SORCS1: variants seen among roughly 807,000 people sequenced by gnomAD.
The protein encoded by SORCS1 is VPS10 domain-containing receptor SorCS1.
SORCS1 carries 60 observed loss-of-function variants against 146.1 expected under a neutral mutation model. That is an observed-to-expected ratio of 0.41 (90% CI 0.33 to 0.51). SORCS1 has a LOEUF of 0.51. SORCS1 is among the 20% of genes least tolerant of loss of function. The pLI is 0.21. For synonymous variants in SORCS1, 637 were observed against 584.0 expected (o/e 1.09, Z -1.31); for missense variants, 1,352 against 1,487.6 (o/e 0.91, Z 1.50).
At chr10:106,585,646 A>C (rs1482882946) in intron 24 of SORCS1, among the ~76,000 whole-genome samples, 1 of 152,202 alleles carries the variant, frequency 6.6e-6, no homozygotes, top group Non-Finnish European at 1.5e-5. Context: ...TCTCACCTAA[A>C]AGGCAAGAGG....
intron 5 of SORCS1, 150 bp from the exon 6 acceptor site, chr10:106,730,264 G>A (rs1856499880): frequency 1.2e-5 from 8 of 646,856 alleles, no homozygotes; most frequent in Admixed American, 5.9e-5. Context: ...TATTTATACA[G>A]CCTGACAGTA....
chr10:106,988,759 C>T (rs1374336569), intron 1 of SORCS1, among the ~76,000 whole-genome samples: 1 of 152,048 alleles, frequency 6.6e-6, no homozygotes, highest in Non-Finnish European at 1.5e-5. Context: ...CAAAATGTGA[C>T]TTTTTAACAC....
rs74845821 is a variant in SORCS1 at position 106,665,374 on chromosome 10, T to A, written c.2303+2315A>T. ...TCCTTTCTCCTTCTTCCTTCCCTTTTTTTTTCTCTCTCTCTTTTTTTTTTT... is the reference window on the plus strand; with the variant it reads ...TCCTTTCTCCTTCTTCCTTCCCTTTATTTTTCTCTCTCTCTTTTTTTTTTT... On this transcript the variant is annotated intron_variant, in intron 17 of 25. Coordinates refer to ENST00000263054, the MANE Select transcript of SORCS1 (RefSeq NM_052918.5). Among the ~76,000 whole-genome samples, 81 of 150,866 alleles carry A rather than the reference T, an allele frequency of 5.4e-4. 5 individuals are homozygous for A. The East Asian group carries it at 0.016, about 30-fold the overall frequency.
In SORCS1 at chr10:106,853,802, G is replaced by T. The variant is rs78946893; in HGVS notation, c.627-24129C>A. 3.9e-3 allele frequency among the ~76,000 whole-genome samples: 585 copies of T among 151,796 alleles called. 9 individuals carry two copies. The highest frequency in any genetic ancestry group is 0.014 in the African/African-American group (568 of 41,412). ...TATTGATTTCCAGTTTAATTTCATT[G>T]TGGTTGAAAAACAGACATTGTATAA... On this transcript the variant is annotated intron_variant, in intron 2 of 25. Transcript: ENST00000263054.
intron 5 of SORCS1, among the ~76,000 whole-genome samples, chr10:106,752,874 T>G (rs1858360858): frequency 6.6e-6 from 1 of 152,122 alleles, no homozygotes; most frequent in Non-Finnish European, 1.5e-5. Context: ...GAGATAAATA[T>G]GACCCAAGAG....
chr10:107,155,360 A>G (rs1473930039), intron 1 of SORCS1, among the ~76,000 whole-genome samples: 1 of 152,194 alleles, frequency 6.6e-6, no homozygotes, highest in East Asian at 1.9e-4. Flanking sequence ...GTTCCCAAGA[A>G]TCTCCTAGGG....
intron 22 of SORCS1, among the ~76,000 whole-genome samples, chr10:106,608,295 C>A (rs1038644317): frequency 4.0e-4 from 61 of 152,344 alleles, no homozygotes; most frequent in South Asian, 8.3e-4. Flanking sequence ...CTCAATATTT[C>A]AGCTTTTTCC....
At chr10:106,925,825 C>G (rs1160837941) in intron 2 of SORCS1, among the ~76,000 whole-genome samples, 1 of 152,110 alleles carries the variant, frequency 6.6e-6, no homozygotes, top group Non-Finnish European at 1.5e-5. Context: ...GGGTCCATTC[C>G]ATGGAGAGAT....
At chr10:107,128,210 A>G (rs1966819883) in intron 1 of SORCS1, among the ~76,000 whole-genome samples, 3 of 152,202 alleles carry the variant, frequency 2.0e-5, no homozygotes, top group Non-Finnish European at 4.4e-5. Context: ...GATAAACATA[A>G]GCCCTTCTTC....
chr10:106,675,414 T>C (rs1038451729), intron 13 of SORCS1, among the ~76,000 whole-genome samples: 1 of 152,184 alleles, frequency 6.6e-6, no homozygotes, highest in Non-Finnish European at 1.5e-5. Context: ...ATAAGTCTTT[T>C]ATAAAATTGT....
chr10:106,762,386 CTTTTT>C (rs869195563), intron 4 of SORCS1, among the ~76,000 whole-genome samples: 20 of 73,824 alleles, frequency 2.7e-4, no homozygotes, highest in African/African-American at 4.0e-4. Context: ...TTTTATTATT[CTTTTT>C]TTTTTTTTTT....
intron 10 of SORCS1, among the ~76,000 whole-genome samples, chr10:106,686,670 C>T (rs1421630569): frequency 6.6e-6 from 1 of 152,204 alleles, no homozygotes; most frequent in East Asian, 1.9e-4. Context: ...CTTTTTCCTC[C>T]TCTTAAGTTG....
chr10:106,654,704 C>G (rs568772743), intron 17 of SORCS1, among the ~76,000 whole-genome samples: 2 of 152,326 alleles, frequency 1.3e-5, no homozygotes, highest in East Asian at 3.9e-4. Flanking sequence ...GATCCCTGTC[C>G]TTAGAGTCCT....
intron 2 of SORCS1, among the ~76,000 whole-genome samples, chr10:106,933,390 C>T (rs1049124926): frequency 6.6e-6 from 1 of 152,064 alleles, no homozygotes; most frequent in Non-Finnish European, 1.5e-5. Context: ...TGTTAATGTT[C>T]GCAGGATTGA....
chr10:106,908,486 G>A (rs1337908027), intron 2 of SORCS1, among the ~76,000 whole-genome samples: 3 of 152,140 alleles, frequency 2.0e-5, no homozygotes, highest in Non-Finnish European at 4.4e-5. Flanking sequence ...CTCTGGGCTG[G>A]AATGAATGAC....
At chr10:106,798,634 T>G (rs1196434846) in intron 3 of SORCS1, among the ~76,000 whole-genome samples, 1 of 152,242 alleles carries the variant, frequency 6.6e-6, no homozygotes, top group Non-Finnish European at 1.5e-5. Context: ...TTTTTGTGGC[T>G]GCATAGTATT....
chr10:106,993,076 G>C (rs12268682), intron 1 of SORCS1, among the ~76,000 whole-genome samples: 61,190 of 151,146 alleles, frequency 0.4, 14,682 homozygotes, highest in African/African-American at 0.68. Context: ...GTGATCTGCC[G>C]GCCTCGGCCT....
chr10:107,140,298 G>A (rs990511244), intron 1 of SORCS1, among the ~76,000 whole-genome samples: 1 of 152,154 alleles, frequency 6.6e-6, no homozygotes, highest in African/African-American at 2.4e-5. Flanking sequence ...GCAATACAGG[G>A]CTTCAAAGAC....
At chr10:106,888,938 C>T (rs182014458) in intron 2 of SORCS1, among the ~76,000 whole-genome samples, 29 of 152,122 alleles carry the variant, frequency 1.9e-4, no homozygotes, top group Middle Eastern at 3.4e-3. Flanking sequence ...TCACAAGGTG[C>T]GGTTTTAGAA....
Sources: allele counts gnomAD v4.1 joint callset (sites outside exome capture counted in the v4.1 genomes callset), GRCh38; gene constraint gnomAD v4.1.1; transcripts MANE v1.5; gene names NCBI Gene and HGNC (gene_info 2026-07-23, HGNC 2026-07-21).